Variants in SCN8A observed in about 807,000 individuals in gnomAD.
SCN8A encodes sodium channel protein type 8 subunit alpha.
In SCN8A, 30 loss-of-function variants were observed where a neutral mutation model predicts 184.1. The observed-to-expected ratio is 0.16, with a 90% CI of 0.12 to 0.22. SCN8A has a LOEUF of 0.22. Among genes scored for constraint, SCN8A ranks in the 10% least tolerant of loss-of-function variants. SCN8A has a pLI of 1.00. For synonymous variants in SCN8A, 852 were observed against 907.0 expected (o/e 0.94, Z 1.09); for missense variants, 1,057 against 2,498.9 (o/e 0.42, Z 12.30).
At position 51,812,556 on chromosome 12, in the gene SCN8A, T is replaced by C. The variant is rs892516087; in HGVS notation, c.*5127T>C. On this transcript the variant is annotated 3_prime_UTR_variant, in exon 27 of 27. Coordinates refer to ENST00000627620, the MANE Select transcript of SCN8A (RefSeq NM_001330260.2). ...TGCTATTCTGAGAGCCATTTTAAAC[T>C]GCACTGCTCCAACCACCCCCGCTTC... 1 of 152,252 alleles carries C rather than the reference T, an allele frequency of 6.6e-6. No homozygotes were observed. Among genetic ancestry groups the C allele is most frequent in the South Asian group, 2.1e-4 (1 of 4,828 alleles). The allele number at this position is 152,252 out of a possible 1,614,324, so 9.4% of individuals were successfully genotyped here.
chr12:51,769,047 T>C lies in SCN8A; in HGVS notation c.3084T>C (p.Ala1028=), dbSNP rs772371811. The stretch of plus-strand genomic sequence containing the variant: ...AGGCCCACTTTAAGCAGCGTGAGGC[T>C]GATGAGGTGAAGCCTCTGGATGAGT... ...FMQAHFKQRE[A]DEVKPLDELY... The change falls in exon 17 of 27, where the codon GCT becomes GCC. Residue 1028 remains alanine, a synonymous_variant. Transcript: ENST00000627620. 2.5e-6 allele frequency: 4 copies of C among 1,613,868 alleles called. No homozygotes were observed. Among genetic ancestry groups the C allele is most frequent in the Admixed American group, 1.7e-5 (1 of 60,008 alleles).
intron 11 of SCN8A, among the ~76,000 whole-genome samples, chr12:51,709,481 TG>T (rs1941838299): frequency 6.6e-6 from 1 of 152,118 alleles, no homozygotes; most frequent in Non-Finnish European, 1.5e-5. Context: ...AGAGTAGCGA[TG>T]TTGGAGAAGG....
At position 51,812,733 on chromosome 12, in the gene SCN8A, A is replaced by G. The variant is rs1938952346; in HGVS notation, c.*5304A>G. The G allele has an allele frequency of 6.6e-6, 1 of 152,250 alleles. No individual in the cohort carries two copies. Among genetic ancestry groups the G allele is most frequent in the Non-Finnish European group, 1.5e-5 (1 of 68,062 alleles). 9.4% of individuals were successfully genotyped at this position (152,250 alleles called of 1,614,324 possible). A position where few individuals can be genotyped will look rare whatever the true frequency, so the allele number is the denominator to read the frequency against. ...TTCTGTTTATGCGGAAATGGCAGAA[A>G]TGCTTGAGAAATGAGAATGTGTAAG... On this transcript the variant is annotated 3_prime_UTR_variant, in exon 27 of 27. Coordinates refer to ENST00000627620, the MANE Select transcript of SCN8A (RefSeq NM_001330260.2).
At chr12:51,629,772 A>G (rs1290917549) in intron 1 of SCN8A, among the ~76,000 whole-genome samples, 2 of 152,104 alleles carry the variant, frequency 1.3e-5, no homozygotes, top group Non-Finnish European at 2.9e-5. Context: ...GGAGAGGGCT[A>G]AGAGGTGGGA....
chr12:51,712,410 A>T, intron 11 of SCN8A: 1 of 744,914 alleles, frequency 1.3e-6, no homozygotes, highest in Non-Finnish European at 2.4e-6. Context: ...AGCTTTCCTG[A>T]CAGCTCCTCG....
chr12:51,809,343 G>C lies in SCN8A; in HGVS notation c.*1914G>C, dbSNP rs937187942. On this transcript the variant is annotated 3_prime_UTR_variant, in exon 27 of 27. Transcript: ENST00000627620. ...CTTCCTGAACCATACACTAGAGGGG[G>C]AAGAAGAACCAACCCATAATCAGAC... 1 of 152,204 alleles carries C rather than the reference G, an allele frequency of 6.6e-6. No individual in the cohort carries two copies. Among genetic ancestry groups the C allele is most frequent in the Non-Finnish European group, 1.5e-5 (1 of 68,046 alleles). The allele number at this position is 152,204 out of a possible 1,614,324, so 9.4% of individuals were successfully genotyped here.
chr12:51,682,976 A>G (rs1484398079), intron 2 of SCN8A, among the ~76,000 whole-genome samples: 1 of 152,084 alleles, frequency 6.6e-6, no homozygotes, highest in Non-Finnish European at 1.5e-5. Flanking sequence ...AATCTGCCCA[A>G]TTAATTTTTC....
At chr12:51,800,138 T>C (rs1179255762) in intron 26 of SCN8A, among the ~76,000 whole-genome samples, 1 of 152,256 alleles carries the variant, frequency 6.6e-6, no homozygotes, top group Non-Finnish European at 1.5e-5. Flanking sequence ...AAAGATATAT[T>C]GCTGGCCTTG....
chr12:51,614,799 T>TTA (rs398019573), intron 1 of SCN8A, among the ~76,000 whole-genome samples: 1 of 151,492 alleles, frequency 6.6e-6, no homozygotes, highest in Non-Finnish European at 1.5e-5. Context: ...TTTTTTTTTT[T>TTA]AAATCCATTC....
chr12:51,693,653 A>G (rs1384947027), intron 6 of SCN8A, among the ~76,000 whole-genome samples: 1 of 152,144 alleles, frequency 6.6e-6, no homozygotes, highest in Non-Finnish European at 1.5e-5. Context: ...TCTCTTAATG[A>G]ATAAATAAAT....
chr12:51,693,432 C>T (rs1941543433), intron 6 of SCN8A, among the ~76,000 whole-genome samples: 1 of 152,170 alleles, frequency 6.6e-6, no homozygotes. Context: ...AATCTAGAGT[C>T]CCCCAATCTC....
chr12:51,706,924 A>T (rs1447211024), intron 11 of SCN8A, among the ~76,000 whole-genome samples: 1 of 151,824 alleles, frequency 6.6e-6, no homozygotes, highest in African/African-American at 2.4e-5. Context: ...CCTTCAAGAG[A>T]TCCACTTTTT....
intron 1 of SCN8A, among the ~76,000 whole-genome samples, chr12:51,609,790 GA>G (rs1342766536): frequency 1.7e-5 from 2 of 118,838 alleles, no homozygotes; most frequent in Non-Finnish European, 3.3e-5. Context: ...ACAGGAAGGG[GA>G]ACATCATACA....
chr12:51,671,462 A>G (rs879550336), intron 2 of SCN8A, among the ~76,000 whole-genome samples: 2 of 152,184 alleles, frequency 1.3e-5, no homozygotes, highest in African/African-American at 2.4e-5. Context: ...TTAGCCAGTC[A>G]CCTCAGCCAT....
Position 51,806,159 on chromosome 12 carries a change from T to A in SCN8A, c.4796-123T>A. 1 of 907,758 alleles carries A rather than the reference T, an allele frequency of 1.1e-6. No homozygotes were observed. The highest frequency in any genetic ancestry group is 2.6e-5 in the East Asian group (1 of 39,052). 56.2% of individuals were successfully genotyped at this position (907,758 alleles called of 1,614,324 possible). On this transcript the variant is annotated intron_variant, in intron 26 of 26. Coordinates refer to ENST00000627620, the MANE Select transcript of SCN8A (RefSeq NM_001330260.2). The surrounding 1 kb of genome is among the most constrained non-coding windows in gnomAD (Gnocchi z 8.7). ...TCACTTTTTGAGAGTTCAGACTGAA[T>A]AGTAAGGCACTTATTCTGCAAAGCC...
intron 1 of SCN8A, among the ~76,000 whole-genome samples, chr12:51,599,177 C>G (rs559398125): frequency 1.1e-4 from 16 of 152,204 alleles, no homozygotes; most frequent in Admixed American, 2.0e-4. Context: ...CGAGTAGCAA[C>G]TATGGGATAT....
chr12:51,802,884 G>T (rs1938594892), intron 26 of SCN8A, among the ~76,000 whole-genome samples: 1 of 152,188 alleles, frequency 6.6e-6, no homozygotes, highest in African/African-American at 2.4e-5. Context: ...AGAGTCCTTA[G>T]CATTTTTGGG....
In SCN8A at chr12:51,729,717, A is replaced by G. The variant is rs560955752; in HGVS notation, c.1998+7809A>G. ...AATTCCTGGGTCATATGGTAAATGTATGTCTAATTTATAAGAAGTTGCCAA... is the reference window on the plus strand; with the variant it reads ...AATTCCTGGGTCATATGGTAAATGTGTGTCTAATTTATAAGAAGTTGCCAA... On this transcript the variant is annotated intron_variant, in intron 12 of 26. Transcript: ENST00000627620. 2.0e-5 allele frequency among the ~76,000 whole-genome samples: 3 copies of G among 152,324 alleles called. No homozygotes were observed. In the East Asian group the frequency reaches 5.8e-4, roughly 29 times the overall value.
Position 51,729,060 on chromosome 12 carries a change from C to T in SCN8A, c.1998+7152C>T, listed in dbSNP as rs758522978. On this transcript the variant is annotated intron_variant, in intron 12 of 26. Coordinates refer to ENST00000627620, the MANE Select transcript of SCN8A (RefSeq NM_001330260.2). ...CCTCAGTATAGCAAGGTCTAAATAG[C>T]GTTTGCTTTTCTCATTTGGTTGATC... 8.5e-5 allele frequency among the ~76,000 whole-genome samples: 13 copies of T among 152,234 alleles called. No individual in the cohort carries two copies. The East Asian group carries it at 1.9e-3, about 23-fold the overall frequency.
Sources: allele counts gnomAD v4.1 joint callset (sites outside exome capture counted in the v4.1 genomes callset), GRCh38; gene constraint gnomAD v4.1.1; non-coding constraint Gnocchi (gnomAD v3.1); transcripts MANE v1.5; gene names NCBI Gene and HGNC (gene_info 2026-07-23, HGNC 2026-07-21).